Variants in PTPRT observed in about 807,000 individuals in gnomAD.
PTPRT encodes receptor-type tyrosine-protein phosphatase T.
PTPRT carries 56 observed loss-of-function variants against 176.8 expected under a neutral mutation model. The observed-to-expected ratio is 0.32, with a 90% CI of 0.26 to 0.40. The LOEUF (loss-of-function observed/expected upper bound fraction) is 0.40, where lower values mean the gene tolerates loss of function less well. PTPRT is among the 10% of genes least tolerant of loss of function. The pLI is 1.00. For synonymous variants in PTPRT, 783 were observed against 739.0 expected (o/e 1.06, Z -0.96); for missense variants, 1,540 against 1,908.2 (o/e 0.81, Z 3.60).
At chr20:42,217,127 A>T (rs2055789336) in intron 15 of PTPRT, among the ~76,000 whole-genome samples, 1 of 152,084 alleles carries the variant, frequency 6.6e-6, no homozygotes, top group African/African-American at 2.4e-5. Context: ...TAATCCCAGC[A>T]TTTTAGGAGG....
the PTPRT span, among the ~76,000 whole-genome samples, chr20:42,057,248 G>C: frequency 0.31 from 46,679 of 152,066 alleles, 7,825 homozygotes; most frequent in Non-Finnish European, 0.38. Flanking sequence ...AGAAGGAGGG[G>C]AGTGGGAAGG....
intron 27 of PTPRT, among the ~76,000 whole-genome samples, chr20:42,092,476 T>C (rs1344574671): frequency 6.6e-6 from 1 of 152,138 alleles, no homozygotes; most frequent in Non-Finnish European, 1.5e-5. Flanking sequence ...CATTAAGACT[T>C]GGAGAAAGTA....
At position 42,505,452 on chromosome 20, in the gene PTPRT, C is replaced by T. The variant is rs151320995; in HGVS notation, c.1154-32890G>A. ...GAGTAGCTGGGATTACAGGCGCCCA[C>T]CACCATGCCTGGGTAATTTTTGTAT... is the stretch of plus-strand genomic sequence containing the variant. On this transcript the variant is annotated intron_variant, in intron 7 of 30. Coordinates refer to ENST00000373187, the MANE Select transcript of PTPRT (RefSeq NM_007050.6). 2.6e-3 allele frequency among the ~76,000 whole-genome samples: 391 copies of T among 152,192 alleles called. 1 individual carries two copies. The highest frequency in any genetic ancestry group is 0.017 in the Middle Eastern group (5 of 294).
intron 16 of PTPRT, among the ~76,000 whole-genome samples, chr20:42,173,945 C>T (rs895406915): frequency 6.6e-6 from 1 of 152,046 alleles, no homozygotes; most frequent in Non-Finnish European, 1.5e-5. Flanking sequence ...AAGAATAACC[C>T]ATAAATAGAC....
At chr20:42,665,938 T>G (rs1416244961) in intron 7 of PTPRT, among the ~76,000 whole-genome samples, 1 of 99,634 alleles carries the variant, frequency 1.0e-5, no homozygotes, top group African/African-American at 4.1e-5. Context: ...CACCAGGGCC[T>G]GTTGTGGGGT....
chr20:42,321,945 C>T (rs566562616), intron 11 of PTPRT, among the ~76,000 whole-genome samples: 15 of 152,254 alleles, frequency 9.9e-5, no homozygotes, highest in African/African-American at 2.6e-4. Context: ...CAGTGGTGGG[C>T]GCCTGTAGTC....
chr20:42,280,352 C>A (rs148650940), intron 13 of PTPRT, among the ~76,000 whole-genome samples: 23 of 152,286 alleles, frequency 1.5e-4, no homozygotes, highest in African/African-American at 5.5e-4. Context: ...GAGGGGATAA[C>A]TGAACTGTGT....
intron 7 of PTPRT, among the ~76,000 whole-genome samples, chr20:42,672,409 A>G (rs1208358213): frequency 1.3e-5 from 2 of 152,212 alleles, no homozygotes; most frequent in African/African-American, 2.4e-5. Flanking sequence ...TAGACAGCCT[A>G]GACCTCACCT....
rs746059787 is a variant in PTPRT, at chr20:42,081,914, G to A, written c.4240C>T (p.Arg1414Cys). 5.0e-6 allele frequency: 8 copies of A among 1,614,088 alleles called. No homozygotes were observed. Among genetic ancestry groups the A allele is most frequent in the African/African-American group, 2.7e-5 (2 of 74,952 alleles). Residue 1414 changes from arginine (R) to cysteine (C), a missense_variant, in exon 30 of 31, where the codon CGT becomes TGT. By Grantham distance (180) the Arg-to-Cys change is radical. Around this residue, in one of 11 missense-constraint regions of PTPRT, gnomAD observed 342 missense variants for 394.0 expected, o/e 0.87. Transcript: ENST00000373187. ...IDVFHIVKTL[R>C]NNKSNMVETL... ...TCCACCATGTTGGATTTGTTGTTAC[G>A]CAGTGTTTTCACGATGTGGAACACG...
At chr20:42,155,260 G>A (rs1241062102) in intron 17 of PTPRT, among the ~76,000 whole-genome samples, 4 of 152,308 alleles carry the variant, frequency 2.6e-5, no homozygotes, top group African/African-American at 9.6e-5. Flanking sequence ...GAAGGCCTCT[G>A]ACTGAGGCTC....
At chr20:42,676,458 T>C (rs1471357688) in intron 7 of PTPRT, among the ~76,000 whole-genome samples, 1 of 152,152 alleles carries the variant, frequency 6.6e-6, no homozygotes, top group Non-Finnish European at 1.5e-5. Context: ...GTGACTCCTC[T>C]TTGTTTTCTG....
intron 13 of PTPRT, among the ~76,000 whole-genome samples, chr20:42,263,203 ACT>A (rs2056779328): frequency 1.3e-5 from 2 of 150,748 alleles, no homozygotes; most frequent in South Asian, 2.1e-4. Flanking sequence ...TCAGGATTAG[ACT>A]CTCTCTCTTT....
At chr20:42,110,869 A>G (rs990799872) in intron 22 of PTPRT, among the ~76,000 whole-genome samples, 2 of 152,224 alleles carry the variant, frequency 1.3e-5, no homozygotes, top group African/African-American at 4.8e-5. Context: ...TTAAGGACCA[A>G]GTCAGTCCAA....
intron 18 of PTPRT, among the ~76,000 whole-genome samples, chr20:42,133,036 G>A (rs978215475): frequency 6.6e-6 from 1 of 152,184 alleles, no homozygotes; most frequent in Non-Finnish European, 1.5e-5. Flanking sequence ...CATGCATTCA[G>A]TAGAAACCTT....
intron 1 of PTPRT, among the ~76,000 whole-genome samples, chr20:42,987,357 T>G (rs763925621): frequency 1.5e-4 from 23 of 152,188 alleles, no homozygotes; most frequent in Non-Finnish European, 2.8e-4. Context: ...ACATTTCAAG[T>G]GCACAATAGC....
chr20:42,999,031 T>G (rs1232598636), intron 1 of PTPRT, among the ~76,000 whole-genome samples: 1 of 152,264 alleles, frequency 6.6e-6, no homozygotes, highest in Non-Finnish European at 1.5e-5. Context: ...ATACATTTTG[T>G]GCCTCCACCC....
At chr20:42,466,051 C>T (rs1489767771) in intron 8 of PTPRT, among the ~76,000 whole-genome samples, 1 of 152,140 alleles carries the variant, frequency 6.6e-6, no homozygotes, top group Admixed American at 6.5e-5. Context: ...CTGTGTTAGT[C>T]TGCTGAGGAT....
intron 12 of PTPRT, among the ~76,000 whole-genome samples, chr20:42,312,804 T>TTTTCC (rs2057655779): frequency 3.3e-4 from 2 of 6,112 alleles, no homozygotes; most frequent in Middle Eastern, 0.062. Context: ...GTGAGATCCT[T>TTTTCC]TTTTTTTTTT....
intron 13 of PTPRT, among the ~76,000 whole-genome samples, chr20:42,264,924 T>A (rs1484685293): frequency 6.6e-6 from 1 of 152,210 alleles, no homozygotes; most frequent in African/African-American, 2.4e-5. Context: ...CCAGTCACAG[T>A]CTGGCCCAGA....
Sources: allele counts gnomAD v4.1 joint callset (sites outside exome capture counted in the v4.1 genomes callset), GRCh38; gene constraint gnomAD v4.1.1; regional missense constraint gnomAD v4.1.1; transcripts MANE v1.5; gene names NCBI Gene and HGNC (gene_info 2026-07-23, HGNC 2026-07-21).